CP: variants seen among roughly 807,000 people sequenced by gnomAD.
The protein encoded by CP is caeruloplasmin.
In CP, 64 loss-of-function variants were observed where a neutral mutation model predicts 122.4. That is an observed-to-expected ratio of 0.52 (90% CI 0.43 to 0.64). CP has a LOEUF of 0.64. CP is among the 30% of genes least tolerant of loss of function. The probability of loss-of-function intolerance (pLI) is 0.00; values close to 1 mark genes in which losing one functional copy is unlikely to be tolerated. For synonymous variants in CP, 440 were observed against 436.4 expected (o/e 1.01, Z -0.10); for missense variants, 1,167 against 1,284.4 (o/e 0.91, Z 1.40).
rs34706715 is a variant in CP at position 149,173,862 on chromosome 3, A to G, written c.3182-132T>C. The stretch of plus-strand genomic sequence containing the variant: ...ATTCATTTATATTTTTCTGCTTTTT[A>G]TATGTTTAAAAATCTCTCATTCTAT... On this transcript the variant is annotated intron_variant, in intron 18 of 18. Transcript: ENST00000264613. 28,329 of 496,354 alleles carry G rather than the reference A, an allele frequency of 0.057. 1,066 individuals carry two copies. The highest frequency in any genetic ancestry group is 0.093 in the Admixed American group (2,484 of 26,688). The allele number at this position is 496,354 out of a possible 1,614,324, so 30.7% of individuals were successfully genotyped here. A position where few individuals can be genotyped will look rare whatever the true frequency, so the allele number is the denominator to read the frequency against.
chr3:149,197,513 G>GAAA (rs112132448), intron 9 of CP, among the ~76,000 whole-genome samples: 6 of 142,824 alleles, frequency 4.2e-5, no homozygotes, highest in African/African-American at 1.3e-4. Flanking sequence ...AAGCAGTCTT[G>GAAA]AAAAAAAAAA....
intron 9 of CP, among the ~76,000 whole-genome samples, chr3:149,197,657 C>A (rs184845404): frequency 6.6e-6 from 1 of 152,262 alleles, no homozygotes; most frequent in East Asian, 1.9e-4. Context: ...ATTTTTTCTA[C>A]AAAAACTTGG....
chr3:149,177,745 C>CT, intron 17 of CP, 95 bp downstream of exon 17: 3 of 1,385,094 alleles, frequency 2.2e-6, no homozygotes, highest in Non-Finnish European at 3.1e-6. Context: ...CTCTTTGCAG[C>CT]TTTTTTTCAT....
chr3:149,189,394 T>C (rs970355919), intron 9 of CP, among the ~76,000 whole-genome samples: 1 of 151,412 alleles, frequency 6.6e-6, no homozygotes, highest in Non-Finnish European at 1.5e-5. Context: ...CTACTAAAAA[T>C]ACAAAAAAAA....
At chr3:149,214,977 GAC>G (rs1022730672) in intron 1 of CP, among the ~76,000 whole-genome samples, 1 of 152,170 alleles carries the variant, frequency 6.6e-6, no homozygotes, top group African/African-American at 2.4e-5. Flanking sequence ...CGGAACCCTG[GAC>G]CAATCAATCT....
chr3:149,167,132 G>C, intron 4 of CP: 1 of 1,613,896 alleles, frequency 6.2e-7, no homozygotes, highest in Non-Finnish European at 8.5e-7. Flanking sequence ...TCCATGTTCT[G>C]TGTCGTACAC....
chr3:149,191,243 A>ATT (rs60907154), intron 9 of CP, among the ~76,000 whole-genome samples: 24 of 107,052 alleles, frequency 2.2e-4, no homozygotes, highest in African/African-American at 7.0e-4. Context: ...TCATTACGCT[A>ATT]TTTTTTTTTT....
chr3:149,162,628 G>A (rs1392323745), exon 6 of CP: 2 of 1,531,440 alleles, frequency 1.3e-6, no homozygotes, highest in Non-Finnish European at 1.8e-6. Context: ...ATTCAGCCCA[G>A]CTGTCGCTTT....
Position 149,209,322 on chromosome 3 carries a change from C to T in CP, c.670G>A (p.Val224Met). ...AGGTACCAGCTGAAATTTTCATCCA[C>T]CACAGAAAACATCACCACAAATTCT... ...DREFVVMFSV[V>M]DENFSWYLED... is the part of the protein sequence containing the mutation. Residue 224 changes from valine to methionine, a missense_variant, in exon 4 of 19, where the codon GTG (valine) becomes ATG (methionine). By Grantham distance (21) the Val-to-Met change is conservative. Transcript: ENST00000264613. 1 of 1,613,796 alleles carries T rather than the reference C, an allele frequency of 6.2e-7. No individual in the cohort carries two copies. The highest frequency in any genetic ancestry group is 1.3e-5 in the African/African-American group (1 of 75,034).
intron 12 of CP, 86 bp from the exon 13 acceptor site, chr3:149,183,691 T>C (rs1725941368): frequency 2.2e-6 from 2 of 920,264 alleles, no homozygotes; most frequent in East Asian, 5.3e-5. Flanking sequence ...AATAAAAATA[T>C]AGTTTTTATT....
intron 17 of CP, among the ~76,000 whole-genome samples, chr3:149,177,216 GTC>G (rs1230930154): frequency 6.6e-6 from 1 of 152,120 alleles, no homozygotes; most frequent in Admixed American, 6.5e-5. Flanking sequence ...TTATAATAAA[GTC>G]TTGTTGTGGT....
downstream of CP, chr3:149,172,171 AT>A (rs781305454): frequency 6.2e-7 from 1 of 1,613,676 alleles, no homozygotes; most frequent in Non-Finnish European, 8.5e-7. Context: ...GTACTGCAAC[AT>A]TTTTCTTGCC....
In CP at chr3:149,173,319, A is replaced by G. The variant is rs1358928936; in HGVS notation, c.*395T>C. The G allele has an allele frequency of 6.3e-6, 1 of 157,536 alleles. No homozygotes were observed. The highest frequency in any genetic ancestry group is 1.8e-4 in the East Asian group (1 of 5,468). The allele number at this position is 157,536 out of a possible 1,614,324, so 9.8% of individuals were successfully genotyped here. A position where few individuals can be genotyped will look rare whatever the true frequency, so the allele number is the denominator to read the frequency against. On this transcript the variant is annotated 3_prime_UTR_variant, in exon 19 of 19. Coordinates refer to ENST00000264613, the MANE Select transcript of CP (RefSeq NM_000096.4). ...GAATATTAGGTGTGATGTCAACAGC[A>G]TGTTAGAAGGATCAATGGGAAGGCA...
At chr3:149,167,749 A>G, downstream of CP, 1 of 681,220 alleles carries the variant, frequency 1.5e-6, no homozygotes, top group Non-Finnish European at 2.7e-6. Context: ...CTGCTGATAT[A>G]ACTTATGTTA....
chr3:149,199,677 C>G, intron 8 of CP, 35 bp downstream of exon 8: 1 of 1,613,030 alleles, frequency 6.2e-7, no homozygotes. Flanking sequence ...GGTTATTAAA[C>G]ATTGTTGATT....
rs1728199553 is a variant in CP, at chr3:149,212,718, A to C, written c.147-20T>G. 1 of 1,612,274 alleles carries C rather than the reference A, an allele frequency of 6.2e-7. No homozygotes were observed. The highest frequency in any genetic ancestry group is 2.2e-5 in the East Asian group (1 of 44,804). On this transcript the variant is annotated intron_variant, in intron 1 of 18. Transcript: ENST00000264613. Reference sequence around the variant, plus strand: ...TGTTCCCTGCAAAGAAAAACAAGACAACTCTATCAGAAGCCATCATTTCTA... The same window carrying C: ...TGTTCCCTGCAAAGAAAAACAAGACCACTCTATCAGAAGCCATCATTTCTA...
Position 149,182,122 on chromosome 3 carries a change from GA to G in CP, c.2436del (p.His813MetfsTer81). ...TTGACTTTGTCTCCAACATCTGCAT[GA>G]AGTTGTGGACCTGGCAAAAGTGAAG... ...EEHLGILGPQLHADVGDKVKI... is the reference protein window; with the variant it reads ...EEHLGILGPQXHADVGDKVKI... On this transcript the variant is annotated frameshift_variant, in exon 14 of 19. Coordinates refer to ENST00000264613, the MANE Select transcript of CP (RefSeq NM_000096.4). LOFTEE classifies it high-confidence loss of function. 3 of 1,614,094 alleles carry G rather than the reference GA, an allele frequency of 1.9e-6. No homozygotes were observed. Among genetic ancestry groups the G allele is most frequent in the Non-Finnish European group, 1.7e-6 (2 of 1,179,972 alleles).
chr3:149,202,709 G>C (rs1463163114), intron 6 of CP, among the ~76,000 whole-genome samples: 1 of 145,748 alleles, frequency 6.9e-6, no homozygotes, highest in Admixed American at 7.0e-5. Flanking sequence ...CTGGGTTCAC[G>C]CCATTCTCCT....
intron 2 of CP, among the ~76,000 whole-genome samples, 193 bp downstream of exon 2, chr3:149,212,258 C>T (rs1452363745): frequency 6.6e-6 from 1 of 151,772 alleles, no homozygotes; most frequent in Admixed American, 6.6e-5. Context: ...TTGCAGTGAT[C>T]CGAGGTCGTG....
Sources: allele counts gnomAD v4.1 joint callset (sites outside exome capture counted in the v4.1 genomes callset), GRCh38; gene constraint gnomAD v4.1.1; transcripts MANE v1.5; gene names NCBI Gene and HGNC (gene_info 2026-07-23, HGNC 2026-07-21).